Variants in SGK3 observed in about 807,000 individuals in gnomAD.
SGK3 encodes serum/glucocorticoid regulated kinase family member 3.
A neutral mutation model predicts 68.5 loss-of-function variants in SGK3; 47 were observed. That is an observed-to-expected ratio of 0.69 (90% CI 0.54 to 0.87). The LOEUF (loss-of-function observed/expected upper bound fraction) is 0.87. Among genes scored for constraint, SGK3 ranks in the 40% least tolerant of loss-of-function variants. SGK3 has a pLI of 0.00. For missense variants in SGK3, 479 were observed against 575.5 expected (o/e 0.83, Z 1.72); for synonymous variants, 181 against 189.1 (o/e 0.96, Z 0.35).
intron 1 of SGK3, among the ~76,000 whole-genome samples, chr8:66,742,282 C>T (rs1033648705): frequency 6.6e-6 from 1 of 152,136 alleles, no homozygotes; most frequent in Admixed American, 6.5e-5. Flanking sequence ...GAAAAAAAAT[C>T]AAAATGAATA....
At chr8:66,730,428 G>C (rs375055106) in intron 1 of SGK3, among the ~76,000 whole-genome samples, 3 of 152,036 alleles carry the variant, frequency 2.0e-5, no homozygotes, top group East Asian at 3.9e-4. Context: ...TTTCCTTGGA[G>C]CACAAAAGTT....
intron 16 of SGK3, among the ~76,000 whole-genome samples, chr8:66,853,183 A>G (rs139352382): frequency 6.6e-6 from 1 of 152,290 alleles, no homozygotes; most frequent in Non-Finnish European, 1.5e-5. Flanking sequence ...TTCATTAAAT[A>G]TTTATTGGTA....
At chr8:66,813,632 A>G (rs2130642994) in intron 4 of SGK3, among the ~76,000 whole-genome samples, 1 of 149,748 alleles carries the variant, frequency 6.7e-6, no homozygotes, top group Non-Finnish European at 1.5e-5. Context: ...GCTTAATTTT[A>G]ATATATAACT....
chr8:66,784,651 A>G (rs887250235), intron 1 of SGK3, among the ~76,000 whole-genome samples: 3 of 152,158 alleles, frequency 2.0e-5, no homozygotes, highest in Non-Finnish European at 2.9e-5. Context: ...GACAGTAAGT[A>G]GCATATAATA....
chr8:66,720,794 T>TAA (rs1554590880), intron 1 of SGK3, among the ~76,000 whole-genome samples: 7 of 149,730 alleles, frequency 4.7e-5, no homozygotes, highest in African/African-American at 1.8e-4. Flanking sequence ...TATATATATA[T>TAA]AATTAGCCAG....
chr8:66,783,004 A>G (rs116334861), intron 1 of SGK3, among the ~76,000 whole-genome samples: 6,005 of 152,296 alleles, frequency 0.039, 129 homozygotes, highest in African/African-American at 0.055. Context: ...AAGGAGTGCA[A>G]CTTCTGGATT....
intron 1 of SGK3, among the ~76,000 whole-genome samples, chr8:66,763,980 C>T (rs1369109158): frequency 6.6e-6 from 1 of 152,146 alleles, no homozygotes; most frequent in Non-Finnish European, 1.5e-5. Flanking sequence ...AGTGATCCTC[C>T]TATCTCTCAG....
chr8:66,736,299 TGTA>T (rs1215849963), intron 1 of SGK3, among the ~76,000 whole-genome samples: 20 of 152,086 alleles, frequency 1.3e-4, no homozygotes, highest in Non-Finnish European at 2.2e-4. Context: ...TACAAATAAA[TGTA>T]GTACAGCAAT....
chr8:66,821,599 G>A (rs534755315), intron 5 of SGK3, among the ~76,000 whole-genome samples: 3 of 150,196 alleles, frequency 2.0e-5, no homozygotes, highest in Non-Finnish European at 4.4e-5. Flanking sequence ...TGCAAGCTCC[G>A]CCTCCCGGGC....
intron 1 of SGK3, among the ~76,000 whole-genome samples, chr8:66,734,369 G>T (rs1191492627): frequency 6.6e-6 from 1 of 150,988 alleles, no homozygotes; most frequent in Non-Finnish European, 1.5e-5. Flanking sequence ...TTTTATTTAT[G>T]TGGTATACCT....
intron 1 of SGK3, among the ~76,000 whole-genome samples, chr8:66,792,903 C>T (rs952160535): frequency 2.5e-4 from 38 of 152,148 alleles, no homozygotes; most frequent in African/African-American, 8.9e-4. Flanking sequence ...AACATAGCAA[C>T]ACCCTGTCTC....
At chr8:66,719,248 T>C (rs78851458) in intron 1 of SGK3, among the ~76,000 whole-genome samples, 21,027 of 152,110 alleles carry the variant, frequency 0.14, 2,822 homozygotes, top group African/African-American at 0.35. Context: ...TATCTATATA[T>C]GTACACAAGA....
rs1809505061 is a variant in SGK3, at chr8:66,835,852, A to G, written c.609+6A>G. ...TAGTTCTCAACAGAAAAGAGGTAAA[A>G]TAAAATAGTTGTTTCTCTCAAGCCC... On this transcript the variant is annotated splice_donor_region_variant and intron_variant, in intron 9 of 16. Transcript: ENST00000521198. 6.2e-7 allele frequency: 1 copy of G among 1,610,162 alleles called. No individual in the cohort carries two copies. The highest frequency in any genetic ancestry group is 8.5e-7 in the Non-Finnish European group (1 of 1,179,098).
Position 66,847,064 on chromosome 8 carries a change from G to A in SGK3, c.1075-129G>A. On this transcript the variant is annotated intron_variant, in intron 14 of 16. Coordinates refer to ENST00000521198, the MANE Select transcript of SGK3 (RefSeq NM_001033578.3). The stretch of plus-strand genomic sequence containing the variant: ...TTTGCTTCAGGAAGCCACACTGCAG[G>A]TGTCTACACGTCCCAAGAGGTCCAT... 14 of 1,298,582 alleles carry A rather than the reference G, an allele frequency of 1.1e-5. No individual in the cohort carries two copies. The South Asian group carries it at 1.9e-4, about 18-fold the overall frequency. 80.4% of individuals were successfully genotyped at this position (1,298,582 alleles called of 1,614,324 possible).
chr8:66,815,982 A>C (rs1808558769), intron 5 of SGK3, among the ~76,000 whole-genome samples: 3 of 152,086 alleles, frequency 2.0e-5, no homozygotes, highest in African/African-American at 7.2e-5. Context: ...GCACCCCAAA[A>C]ATAGTCAAGA....
intron 4 of SGK3, among the ~76,000 whole-genome samples, chr8:66,812,488 G>T (rs1808416801): frequency 6.6e-6 from 1 of 151,822 alleles, no homozygotes; most frequent in African/African-American, 2.4e-5. Flanking sequence ...AACTCAGGAG[G>T]TGAAGTTTGC....
chr8:66,800,511 G>A (rs1490562080), intron 3 of SGK3, among the ~76,000 whole-genome samples: 6 of 151,472 alleles, frequency 4.0e-5, no homozygotes, highest in African/African-American at 1.5e-4. Flanking sequence ...ATATGCCTGT[G>A]GGTTATTATT....
chr8:66,723,154 T>G (rs1390314096), intron 1 of SGK3, among the ~76,000 whole-genome samples: 1 of 107,730 alleles, frequency 9.3e-6, no homozygotes, highest in South Asian at 3.1e-4. Flanking sequence ...TTTTTTTTTG[T>G]AAAAGGGTCG....
intron 1 of SGK3, among the ~76,000 whole-genome samples, chr8:66,752,385 A>C (rs1805843906): frequency 6.6e-6 from 1 of 152,202 alleles, no homozygotes; most frequent in Non-Finnish European, 1.5e-5. Context: ...TACAGGGCAG[A>C]TATTATGCTA....
Sources: allele counts gnomAD v4.1 joint callset (sites outside exome capture counted in the v4.1 genomes callset), GRCh38; gene constraint gnomAD v4.1.1; transcripts MANE v1.5; gene names NCBI Gene and HGNC (gene_info 2026-07-23, HGNC 2026-07-21).